C6orf89: variants seen among roughly 807,000 people sequenced by gnomAD.
The protein encoded by C6orf89 is bombesin receptor-activated protein C6orf89.
Under a neutral mutation model 40.7 loss-of-function variants are expected in C6orf89, and 29 were observed. The ratio of observed to expected loss-of-function variants is 0.71; its 90% confidence interval spans 0.53 to 0.97. C6orf89 has a LOEUF of 0.97. C6orf89 is among the 50% of genes least tolerant of loss of function. The pLI is 0.00. For missense variants in C6orf89, 392 were observed against 429.1 expected, an observed-to-expected ratio of 0.91 and a Z score of 0.76; for synonymous variants, 165 against 152.2, an observed-to-expected ratio of 1.08 and a Z score of -0.62.
Position 36,919,677 on chromosome 6 carries a change from A to G in C6orf89, c.925A>G (p.Met309Val), listed in dbSNP as rs1200867083. ...QCRRHCQSVA[M>V]PIEPGDIGYV... ...CCGAAGACATTGTCAGTCTGTGGCC[A>G]TGCCAATAGAGCCAGGGGATATCGG... is the stretch of plus-strand genomic sequence containing the variant. Residue 309 changes from methionine to valine, a missense_variant, in exon 8 of 9, where the codon ATG (methionine) becomes GTG (valine). Met to Val is a conservative substitution (Grantham distance 21). Transcript: ENST00000480824. 1 of 1,613,790 alleles carries G rather than the reference A, an allele frequency of 6.2e-7. No individual in the cohort carries two copies. The highest frequency in any genetic ancestry group is 1.7e-5 in the Admixed American group (1 of 60,002).
At chr6:36,882,265 T>C (rs566145540), upstream of C6orf89, among the ~76,000 whole-genome samples, 1 of 152,254 alleles carries the variant, frequency 6.6e-6, no homozygotes, top group Non-Finnish European at 1.5e-5. Flanking sequence ...ACCTTTGGTA[T>C]TTAACAAACC....
At chr6:36,893,096 G>A (rs564946312) in intron 1 of C6orf89, among the ~76,000 whole-genome samples, 35 of 152,024 alleles carry the variant, frequency 2.3e-4, no homozygotes, top group South Asian at 2.1e-3. Flanking sequence ...CACCGCGCCC[G>A]GCTAATTTTT....
chr6:36,883,610 A>G (rs1362878379), upstream of C6orf89, among the ~76,000 whole-genome samples: 2 of 152,224 alleles, frequency 1.3e-5, no homozygotes, highest in Non-Finnish European at 2.9e-5. Flanking sequence ...ATAAAAGATG[A>G]AGGCCCAATG....
At chr6:36,875,583 C>A (rs1275792073) in intron 1 of C6orf89, among the ~76,000 whole-genome samples, 1 of 152,206 alleles carries the variant, frequency 6.6e-6, no homozygotes, top group Non-Finnish European at 1.5e-5. Context: ...ATTAGAGGAG[C>A]TATAATGTTT....
intron 3 of C6orf89, among the ~76,000 whole-genome samples, chr6:36,900,104 C>T (rs376012330): frequency 1.3e-5 from 2 of 151,892 alleles, no homozygotes; most frequent in East Asian, 3.9e-4. Context: ...TCAGGCTGGT[C>T]TTGAACTCCT....
chr6:36,918,721 C>A (rs1762409755), intron 7 of C6orf89, among the ~76,000 whole-genome samples: 1 of 152,186 alleles, frequency 6.6e-6, no homozygotes, highest in Non-Finnish European at 1.5e-5. Context: ...TTTCTGTCAT[C>A]ATCAAGGTAA....
rs144379000 is a variant in C6orf89, at chr6:36,921,121, A to G, written c.949+1420A>G. On this transcript the variant is annotated intron_variant, in intron 8 of 8. Transcript: ENST00000480824. Reference sequence around the variant, plus strand: ...TGTTGACTAGAAAGAAAGGACCCCTATAGTTGGCAGTGTCTATAAAAGGCC... The same window carrying G: ...TGTTGACTAGAAAGAAAGGACCCCTGTAGTTGGCAGTGTCTATAAAAGGCC... Among the ~76,000 whole-genome samples, 224 of 152,054 alleles carry G rather than the reference A, an allele frequency of 1.5e-3. 1 individual carries two copies. The highest frequency in any genetic ancestry group is 5.1e-3 in the African/African-American group (212 of 41,522).
upstream of C6orf89, among the ~76,000 whole-genome samples, chr6:36,881,715 G>T (rs1013747694): frequency 5.3e-5 from 8 of 151,950 alleles, no homozygotes; most frequent in African/African-American, 1.9e-4. Flanking sequence ...TTAATTATTA[G>T]GATTCTATGT....
chr6:36,879,841 G>A (rs908546895), intron 2 of C6orf89, among the ~76,000 whole-genome samples: 1 of 152,108 alleles, frequency 6.6e-6, no homozygotes, highest in African/African-American at 2.4e-5. Flanking sequence ...CCACCTTCTA[G>A]GGAACAGGGA....
At chr6:36,873,302 C>CA (rs922671589) in intron 1 of C6orf89, among the ~76,000 whole-genome samples, 34 of 149,464 alleles carry the variant, frequency 2.3e-4, no homozygotes, top group African/African-American at 4.7e-4. Context: ...TTGTCATAGC[C>CA]AAAAAAAAAG....
At position 36,923,581 on chromosome 6, in the gene C6orf89, C is replaced by G; in HGVS notation, c.*140C>G. ...CCCTTTGCATGCATGTGTGAACCAG[C>G]TGTGAGCTGCAAGGCAGTGGCCAGA... is the stretch of plus-strand genomic sequence containing the variant. On this transcript the variant is annotated 3_prime_UTR_variant, in exon 9 of 9. Coordinates refer to ENST00000480824, the MANE Select transcript of C6orf89 (RefSeq NM_001286635.2). 1 of 716,632 alleles carries G rather than the reference C, an allele frequency of 1.4e-6. No individual in the cohort carries two copies. Among genetic ancestry groups the G allele is most frequent in the Non-Finnish European group, 2.6e-6 (1 of 391,082 alleles). 44.4% of individuals were successfully genotyped at this position (716,632 alleles called of 1,614,324 possible).
At position 36,885,993 on chromosome 6, in the gene C6orf89, G is replaced by T; in HGVS notation, c.-155G>T. On this transcript the variant is annotated 5_prime_UTR_variant, in exon 1 of 9. Transcript: ENST00000480824. ...TCCTCGCCCGGCGGCAGCTGTCCCC[G>T]AGGCGGGAGGAGCCCGAGGGGCGCG... 1 of 1,143,202 alleles carries T rather than the reference G, an allele frequency of 8.7e-7. No homozygotes were observed. Among genetic ancestry groups the T allele is most frequent in the South Asian group, 3.2e-5 (1 of 31,382 alleles). 70.8% of individuals were successfully genotyped at this position (1,143,202 alleles called of 1,614,324 possible). A position where few individuals can be genotyped will look rare whatever the true frequency, so the allele number is the denominator to read the frequency against.
intron 4 of C6orf89, among the ~76,000 whole-genome samples, chr6:36,913,407 AC>A (rs1175082201): frequency 6.6e-6 from 1 of 152,074 alleles, no homozygotes; most frequent in African/African-American, 2.4e-5. Flanking sequence ...AGTCCTGTCT[AC>A]CCTCTCCATC....
rs36039991 is a variant in C6orf89 at position 36,913,117 on chromosome 6, A to G, written c.404-1167A>G. The stretch of plus-strand genomic sequence containing the variant: ...CGAAATCCAAAATGGAACAGAAAGT[A>G]AACAAGAAATAATGAAATAACATTA... On this transcript the variant is annotated intron_variant, in intron 4 of 8. Transcript: ENST00000480824. 5.9e-3 allele frequency among the ~76,000 whole-genome samples: 905 copies of G among 152,364 alleles called. 2 individuals carry two copies. The highest frequency in any genetic ancestry group is 0.012 in the African/African-American group (482 of 41,586).
Position 36,923,523 on chromosome 6 carries a change from C to A in C6orf89, c.*82C>A. ...AAAAATAAAAACAAAAACGATGAAA[C>A]TGCTTTCTGGGGGTTGGTTACTTAG... On this transcript the variant is annotated 3_prime_UTR_variant, in exon 9 of 9. Transcript: ENST00000480824. The A allele has an allele frequency of 9.1e-7, 1 of 1,096,172 alleles. No individual in the cohort carries two copies. 67.9% of individuals were successfully genotyped at this position (1,096,172 alleles called of 1,614,324 possible).
At chr6:36,897,445 G>C (rs1026400250) in intron 2 of C6orf89, among the ~76,000 whole-genome samples, 6 of 152,168 alleles carry the variant, frequency 3.9e-5, no homozygotes, top group Non-Finnish European at 5.9e-5. Context: ...CAGCTTTTAA[G>C]TGTATCCACA....
chr6:36,876,107 G>A (rs1221271832), intron 1 of C6orf89, among the ~76,000 whole-genome samples: 1 of 152,208 alleles, frequency 6.6e-6, no homozygotes, highest in African/African-American at 2.4e-5. Context: ...TGGCCCTTGA[G>A]CTGGATGAAA....
In C6orf89 at chr6:36,925,845, G is replaced by C. The variant is rs376610162; in HGVS notation, c.*2404G>C. 3 of 151,342 alleles carry C rather than the reference G, an allele frequency of 2.0e-5. No homozygotes were observed. Among genetic ancestry groups the C allele is most frequent in the Non-Finnish European group, 2.9e-5 (2 of 68,060 alleles). The allele number at this position is 151,342 out of a possible 1,614,324, so 9.4% of individuals were successfully genotyped here. A position where few individuals can be genotyped will look rare whatever the true frequency, so the allele number is the denominator to read the frequency against. On this transcript the variant is annotated 3_prime_UTR_variant, in exon 9 of 9. Transcript: ENST00000480824. ...CTGTATGACCCGGTGTGGGAAAGAGGGTTGTCAGGATGAGAAAGTGGGGCT... is the reference window on the plus strand; with the variant it reads ...CTGTATGACCCGGTGTGGGAAAGAGCGTTGTCAGGATGAGAAAGTGGGGCT...
chr6:36,903,949 A>G (rs1025948068), intron 4 of C6orf89, among the ~76,000 whole-genome samples: 5 of 151,872 alleles, frequency 3.3e-5, no homozygotes, highest in Admixed American at 3.3e-4. Context: ...AAATGTCACC[A>G]ACAGAGCTAA....
Sources: gnomAD v4.1 joint callset for allele counts (sites outside exome capture counted in the v4.1 genomes callset) on GRCh38, gnomAD v4.1.1 for gene constraint, MANE v1.5 for transcripts, NCBI Gene and HGNC (gene_info 2026-07-23, HGNC 2026-07-21) for gene names.